The following NPHP4 variants were observed in gnomAD, a reference collection of about 807,000 sequenced individuals.
NPHP4 encodes nephrocystin 4.
NPHP4 carries 151 observed loss-of-function variants against 155.8 expected under a neutral mutation model. That is an observed-to-expected ratio of 0.97 (90% confidence interval 0.85 to 1.11). The LOEUF (loss-of-function observed/expected upper bound fraction) is 1.11, where lower values mean the gene tolerates loss of function less well. Ranked by LOEUF, NPHP4 falls within the 50% of genes least tolerant of loss-of-function variation. The probability of loss-of-function intolerance (pLI) is 0.00; values close to 1 mark genes in which losing one functional copy is unlikely to be tolerated. For missense variants in NPHP4, 1,956 were observed against 1,925.7 expected (o/e 1.02, Z -0.29); for synonymous variants, 845 against 816.8 (o/e 1.03, Z -0.59).
intron 29 of NPHP4, 43 bp from the exon 30 acceptor site, chr1:5,863,448 T>A (rs776925591): frequency 6.2e-7 from 1 of 1,601,004 alleles, no homozygotes; most frequent in Non-Finnish European, 8.5e-7. Flanking sequence ...CCCCGGGCTG[T>A]CCCACGCTCT....
Position 5,887,329 on chromosome 1 carries a change from G to A in NPHP4, c.2442C>T (p.His814=), listed in dbSNP as rs1439684838. ...GFGRVKPIGV[H]SVVKGRLHLT... Reference sequence around the variant, plus strand: ...GGTGCAGCCGGCCCTTCACCACCGAGTGGACGCCGATGGGCTTGACGCGGC... The same window carrying A: ...GGTGCAGCCGGCCCTTCACCACCGAATGGACGCCGATGGGCTTGACGCGGC... The change falls in exon 18 of 30, where the codon CAC becomes CAT. Residue 814 remains histidine (H), a synonymous_variant. Coordinates refer to ENST00000378156, the MANE Select transcript of NPHP4 (RefSeq NM_015102.5). 3 of 1,613,482 alleles carry A rather than the reference G, an allele frequency of 1.9e-6. No homozygotes were observed.
At position 5,874,979 on chromosome 1, in the gene NPHP4, G is replaced by C; in HGVS notation, c.2939C>G (p.Thr980Arg). 2 of 1,612,648 alleles carry C rather than the reference G, an allele frequency of 1.2e-6. No homozygotes were observed. Among genetic ancestry groups the C allele is most frequent in the Non-Finnish European group, 1.7e-6 (2 of 1,179,780 alleles). ...GGCGACCCCCAGCGTGGCGTGGAGC[G>C]TGTGCTCCGTGGTGATGGCCAGGCT... ...LLSLAITTEH[T>R]LHATLGVAEF... The change falls in exon 21 of 30, where the codon ACG becomes AGG. Residue 980 changes from threonine to arginine, a missense_variant. Thr to Arg is a moderately conservative substitution (Grantham distance 71). Coordinates refer to ENST00000378156, the MANE Select transcript of NPHP4 (RefSeq NM_015102.5).
chr1:5,864,253 G>A (rs890623004), intron 28 of NPHP4, 85 bp downstream of exon 28: 132 of 1,347,542 alleles, frequency 9.8e-5, no homozygotes, highest in South Asian at 1.3e-4. Context: ...CCAGTGGTCC[G>A]AGTCACAGGG....
At chr1:5,952,090 C>T (rs191904955) in intron 7 of NPHP4, among the ~76,000 whole-genome samples, 32 of 152,338 alleles carry the variant, frequency 2.1e-4, no homozygotes, top group African/African-American at 6.7e-4. Flanking sequence ...AAGCAACAGA[C>T]AGGAACAGCA....
chr1:5,928,874 T>C (rs746415907), intron 10 of NPHP4, among the ~76,000 whole-genome samples: 2 of 152,248 alleles, frequency 1.3e-5, no homozygotes, highest in African/African-American at 4.8e-5. Flanking sequence ...TGGGCAGAAC[T>C]GACAGCTTTA....
chr1:5,875,064 G>A lies in NPHP4; in HGVS notation c.2854C>T (p.Leu952=). The part of the protein sequence containing the change: ...QSVRTQHLRD[L]QVIAAYRERT... ...TCCCGGTAGGCGGCGATGACCTGTA[G>A]GTCCCGCAAGTGCTGTGTGCGGACG... is the stretch of plus-strand genomic sequence containing the variant. Residue 952 remains leucine (L), a synonymous_variant, in exon 21 of 30, where the codon CTA becomes TTA. Transcript: ENST00000378156. 1 of 1,607,320 alleles carries A rather than the reference G, an allele frequency of 6.2e-7. No homozygotes were observed. Among genetic ancestry groups the A allele is most frequent in the Non-Finnish European group, 8.5e-7 (1 of 1,179,738 alleles).
At chr1:5,886,652 C>T (rs1199593954) in intron 18 of NPHP4, 1 of 152,340 alleles carries the variant, frequency 6.6e-6, no homozygotes, top group Middle Eastern at 3.1e-3. Flanking sequence ...CAGGCAGGCA[C>T]CCAGCCTTGT....
intron 19 of NPHP4, 127 bp downstream of exon 19, chr1:5,879,987 C>A: frequency 1.8e-6 from 2 of 1,142,236 alleles, no homozygotes; most frequent in Non-Finnish European, 2.5e-6. Flanking sequence ...GGGGCACTGA[C>A]AGCACCACGA....
At position 5,904,608 on chromosome 1, in the gene NPHP4, A is replaced by G. The variant is rs1432441904; in HGVS notation, c.2143+9T>C. On this transcript the variant is annotated intron_variant, in intron 16 of 29. Transcript: ENST00000378156. Reference sequence around the variant, plus strand: ...ATGTCTTGCCTTTGCCATGCACATGAGTACTCACCAGCATCAAAGGTGCCA... The same window carrying G: ...ATGTCTTGCCTTTGCCATGCACATGGGTACTCACCAGCATCAAAGGTGCCA... The G allele has an allele frequency of 6.3e-7, 1 of 1,593,026 alleles. No homozygotes were observed. Among genetic ancestry groups the G allele is most frequent in the Admixed American group, 1.7e-5 (1 of 59,242 alleles).
At chr1:5,977,440 T>A (rs570808249) in intron 3 of NPHP4, among the ~76,000 whole-genome samples, 7 of 152,186 alleles carry the variant, frequency 4.6e-5, no homozygotes, top group Admixed American at 3.3e-4. Flanking sequence ...GTCACCCACC[T>A]AAAGCAGGTC....
chr1:5,945,447 CTG>C (rs945739548), intron 9 of NPHP4, among the ~76,000 whole-genome samples: 11 of 152,326 alleles, frequency 7.2e-5, no homozygotes, highest in Admixed American at 6.5e-4. Flanking sequence ...ATGACTGTGA[CTG>C]TGTCAGTCCA....
chr1:5,933,617 C>G (rs1646390415), intron 9 of NPHP4, among the ~76,000 whole-genome samples: 1 of 152,136 alleles, frequency 6.6e-6, no homozygotes, highest in Admixed American at 6.5e-5. Flanking sequence ...TGATGGCTTC[C>G]CCCTTAGAGA....
At chr1:5,984,020 C>T (rs951895819) in intron 2 of NPHP4, among the ~76,000 whole-genome samples, 6 of 152,122 alleles carry the variant, frequency 3.9e-5, no homozygotes, top group African/African-American at 1.2e-4. Flanking sequence ...AATTATTCTA[C>T]AGACATATCT....
rs372569755 is a variant in NPHP4, at chr1:5,873,266, T to C, written c.3301A>G (p.Thr1101Ala). 12 of 1,613,628 alleles carry C rather than the reference T, an allele frequency of 7.4e-6. No individual in the cohort carries two copies. The highest frequency in any genetic ancestry group is 2.7e-5 in the African/African-American group (2 of 74,924). ...VSPWKSSAVP[T>A]KHAKVLFRAS... ...TGCCCCTTTACCTTGGCGTGTTTAGTGGGCACTGCGCTGGACTTCCAAGGT... is the reference window on the plus strand; with the variant it reads ...TGCCCCTTTACCTTGGCGTGTTTAGCGGGCACTGCGCTGGACTTCCAAGGT... The change falls in exon 23 of 30, where the codon ACT (threonine) becomes GCT (alanine). Residue 1101 changes from threonine (T) to alanine (A), a missense_variant. By Grantham distance (58) the Thr-to-Ala change is moderately conservative. Coordinates refer to ENST00000378156, the MANE Select transcript of NPHP4 (RefSeq NM_015102.5).
chr1:5,883,291 G>A (rs976006533), intron 18 of NPHP4, among the ~76,000 whole-genome samples: 23 of 152,002 alleles, frequency 1.5e-4, no homozygotes, highest in African/African-American at 4.8e-4. Flanking sequence ...TCCACATGAC[G>A]AGGAGAAAAT....
At chr1:5,972,740 C>A (rs1652805698) in intron 3 of NPHP4, among the ~76,000 whole-genome samples, 1 of 152,004 alleles carries the variant, frequency 6.6e-6, no homozygotes, top group Admixed American at 6.6e-5. Context: ...AATTTAATTT[C>A]TTTCTTTCTT....
At chr1:5,980,310 C>T (rs1012951388) in intron 2 of NPHP4, among the ~76,000 whole-genome samples, 1 of 152,208 alleles carries the variant, frequency 6.6e-6, no homozygotes. Flanking sequence ...ATCCGCTGGC[C>T]TCACCACCCC....
At chr1:5,918,537 A>G (rs1028792931) in intron 11 of NPHP4, among the ~76,000 whole-genome samples, 3 of 152,182 alleles carry the variant, frequency 2.0e-5, no homozygotes, top group African/African-American at 7.2e-5. Context: ...AGAAAAAATT[A>G]ATAACTTAAA....
At chr1:5,929,119 G>A (rs1278293079) in intron 10 of NPHP4, among the ~76,000 whole-genome samples, 3 of 152,146 alleles carry the variant, frequency 2.0e-5, no homozygotes, top group African/African-American at 7.2e-5. Context: ...ACAGAAATAG[G>A]ATTGATTTTT....
Sources: allele counts gnomAD v4.1 joint callset (sites outside exome capture counted in the v4.1 genomes callset), GRCh38; gene constraint gnomAD v4.1.1; transcripts MANE v1.5; gene names NCBI Gene and HGNC (gene_info 2026-07-23, HGNC 2026-07-21).